The following AUTS2 variants were observed in gnomAD, a reference collection of about 807,000 sequenced individuals.
AUTS2 encodes activator of transcription and developmental regulator AUTS2.
A neutral mutation model predicts 112.4 loss-of-function variants in AUTS2; 17 were observed. The observed-to-expected ratio is 0.15, with a 90% CI of 0.10 to 0.23. The LOEUF (loss-of-function observed/expected upper bound fraction) is 0.23, where lower values mean the gene tolerates loss of function less well. Among genes scored for constraint, AUTS2 ranks in the 10% least tolerant of loss-of-function variants. The pLI is 1.00. For synonymous variants in AUTS2, 751 were observed against 702.7 expected (o/e 1.07, Z -1.09); for missense variants, 1,510 against 1,701.6 (o/e 0.89, Z 1.98).
At chr7:69,978,904 A>ACACG (rs1306500143) in intron 2 of AUTS2, among the ~76,000 whole-genome samples, 7 of 149,954 alleles carry the variant, frequency 4.7e-5, no homozygotes, top group Non-Finnish European at 7.5e-5. Context: ...ACACACACGC[A>ACACG]CACACGCACA....
intron 1 of AUTS2, among the ~76,000 whole-genome samples, chr7:69,666,332 C>A (rs1357621060): frequency 6.6e-6 from 1 of 152,168 alleles, no homozygotes; most frequent in Non-Finnish European, 1.5e-5. Context: ...GAACTATTGC[C>A]TTACCCTGGA....
chr7:69,856,794 A>T (rs1337220604), intron 1 of AUTS2, among the ~76,000 whole-genome samples: 1 of 152,210 alleles, frequency 6.6e-6, no homozygotes, highest in East Asian at 1.9e-4. Context: ...TTTCTACAGG[A>T]CACAGTTGGA....
At chr7:69,680,780 C>T (rs1229880740) in intron 1 of AUTS2, among the ~76,000 whole-genome samples, 1 of 152,180 alleles carries the variant, frequency 6.6e-6, no homozygotes, top group Non-Finnish European at 1.5e-5. Context: ...AGTGATTCTC[C>T]TGCCTCACCC....
chr7:70,022,323 A>AT (rs373158257), intron 2 of AUTS2, among the ~76,000 whole-genome samples: 2,702 of 140,950 alleles, frequency 0.019, 38 homozygotes, highest in Admixed American at 0.03. Flanking sequence ...AGACTAATAG[A>AT]TTTTTTTTTT....
intron 5 of AUTS2, among the ~76,000 whole-genome samples, chr7:70,600,791 A>G (rs959589924): frequency 2.0e-5 from 3 of 152,142 alleles, no homozygotes; most frequent in Non-Finnish European, 4.4e-5. Flanking sequence ...GTAATGCAGT[A>G]TGTGGCTTTT....
chr7:69,645,458 GC>G (rs1712787990), intron 1 of AUTS2, among the ~76,000 whole-genome samples: 1 of 152,174 alleles, frequency 6.6e-6, no homozygotes, highest in African/African-American at 2.4e-5. Flanking sequence ...AGGGCATTGT[GC>G]AATGATGTAT....
chr7:69,896,660 T>C (rs1794754963), intron 1 of AUTS2, among the ~76,000 whole-genome samples: 1 of 152,158 alleles, frequency 6.6e-6, no homozygotes. Context: ...ACTAGTTGAC[T>C]CCTTTATTTA....
rs533662459 is a variant in AUTS2 at position 70,310,931 on chromosome 7, G to A, written c.661-124821G>A. Among the ~76,000 whole-genome samples the A allele has an allele frequency of 2.6e-5, 4 of 152,208 alleles. No homozygotes were observed. The East Asian group carries it at 5.8e-4, about 22-fold the overall frequency. On this transcript the variant is annotated intron_variant, in intron 4 of 18. Transcript: ENST00000342771. ...ATAAGATGGATTTTTTTAAAAAATGGCAAGCGTTTCTTAGTTTGGCTCTCT... is the reference window on the plus strand; with the variant it reads ...ATAAGATGGATTTTTTTAAAAAATGACAAGCGTTTCTTAGTTTGGCTCTCT...
Position 69,599,773 on chromosome 7 carries a change from T to G in AUTS2, c.120T>G (p.Ala40=). The stretch of plus-strand genomic sequence containing the variant: ...CCGGCGCGGCCGGCGGCGGCGGGGC[T>G]GGCCGGACCCGGGCGCTCTCACTCG... ...LGAGAAGGGG[A]GRTRALSLAS... Residue 40 remains alanine (A), a synonymous_variant, in exon 1 of 19, where the codon GCT becomes GCG. Transcript: ENST00000342771. This position sits in a 1 kb window ranked among gnomAD's most constrained non-coding sequence, Gnocchi z 7.0. The G allele has an allele frequency of 6.7e-7, 1 of 1,482,668 alleles. No homozygotes were observed. Among genetic ancestry groups the G allele is most frequent in the Non-Finnish European group, 9.0e-7 (1 of 1,117,162 alleles). 91.8% of individuals were successfully genotyped at this position (1,482,668 alleles called of 1,614,324 possible).
chr7:70,392,513 C>T (rs932184362), intron 4 of AUTS2, among the ~76,000 whole-genome samples: 1 of 152,142 alleles, frequency 6.6e-6, no homozygotes, highest in Non-Finnish European at 1.5e-5. Context: ...ACTAATGACT[C>T]AACATAGTAT....
rs544687256 is a variant in AUTS2, at chr7:69,769,846, C to G, written c.310-129440C>G. On this transcript the variant is annotated intron_variant, in intron 1 of 18. Coordinates refer to ENST00000342771, the MANE Select transcript of AUTS2 (RefSeq NM_015570.4). ...CTGTAGCTAAGAAATGGAGATAATTCTAGTCATTACTTCACGGGGTTGTTG... is the reference window on the plus strand; with the variant it reads ...CTGTAGCTAAGAAATGGAGATAATTGTAGTCATTACTTCACGGGGTTGTTG... 4.6e-5 allele frequency among the ~76,000 whole-genome samples: 7 copies of G among 152,292 alleles called. No individual in the cohort carries two copies. The East Asian group carries it at 1.3e-3, about 29-fold the overall frequency.
intron 4 of AUTS2, among the ~76,000 whole-genome samples, chr7:70,187,755 A>C (rs1266266409): frequency 2.6e-5 from 4 of 151,474 alleles, no homozygotes; most frequent in South Asian, 2.1e-4. Flanking sequence ...ACAGACTGTC[A>C]GACATACTCA....
intron 1 of AUTS2, among the ~76,000 whole-genome samples, chr7:69,807,744 T>TAAAA: frequency 6.6e-6 from 1 of 152,144 alleles, no homozygotes; most frequent in Non-Finnish European, 1.5e-5. Flanking sequence ...TCATATGGCT[T>TAAAA]TTGGCAGGAG....
chr7:70,097,260 C>A (rs1303402254), intron 2 of AUTS2, among the ~76,000 whole-genome samples: 1 of 152,128 alleles, frequency 6.6e-6, no homozygotes, highest in Admixed American at 6.5e-5. Flanking sequence ...TCCTGCAGTG[C>A]ATGTTGTATT....
At chr7:69,720,679 C>A (rs947382658) in intron 1 of AUTS2, among the ~76,000 whole-genome samples, 4 of 152,052 alleles carry the variant, frequency 2.6e-5, no homozygotes, top group African/African-American at 9.7e-5. Context: ...TTTAGAGTAA[C>A]AGAGGAAAAA....
chr7:69,669,227 G>T (rs886467237), intron 1 of AUTS2, among the ~76,000 whole-genome samples: 1 of 151,868 alleles, frequency 6.6e-6, no homozygotes, highest in Non-Finnish European at 1.5e-5. Context: ...AGAAATAATC[G>T]CAATTTTTTT....
intron 2 of AUTS2, among the ~76,000 whole-genome samples, chr7:70,081,220 C>T (rs757859744): frequency 9.2e-5 from 14 of 151,500 alleles, no homozygotes; most frequent in Non-Finnish European, 1.3e-4. Context: ...TCTTGAAATA[C>T]GAGGAAAGTG....
At chr7:70,482,210 A>G (rs1406573882) in intron 5 of AUTS2, among the ~76,000 whole-genome samples, 2 of 152,164 alleles carry the variant, frequency 1.3e-5, no homozygotes, top group Non-Finnish European at 2.9e-5. Flanking sequence ...CTGGAGGACA[A>G]AGCTGTAAGG....
intron 2 of AUTS2, among the ~76,000 whole-genome samples, chr7:70,112,791 A>G (rs1357079998): frequency 1.3e-5 from 2 of 151,926 alleles, no homozygotes; most frequent in African/African-American, 2.4e-5. Context: ...ATTGATCTGT[A>G]TATCTATCCA....
Sources: gnomAD v4.1 joint callset for allele counts (sites outside exome capture counted in the v4.1 genomes callset) on GRCh38, gnomAD v4.1.1 for gene constraint, Gnocchi (gnomAD v3.1) non-coding constraint, MANE v1.5 for transcripts, NCBI Gene and HGNC (gene_info 2026-07-23, HGNC 2026-07-21) for gene names.